SDK2: variants seen among roughly 807,000 people sequenced by gnomAD.
SDK2 encodes the protein sidekick cell adhesion molecule 2, also known as protein sidekick-2.
A neutral mutation model predicts 253.9 loss-of-function variants in SDK2; 105 were observed. That is an observed-to-expected ratio of 0.41 (90% CI 0.35 to 0.49). The LOEUF (loss-of-function observed/expected upper bound fraction) is 0.49. Ranked by LOEUF, SDK2 falls within the 20% of genes least tolerant of loss-of-function variation. SDK2 has a pLI of 0.06. For synonymous variants in SDK2, 1,249 were observed against 1,234.9 expected, an observed-to-expected ratio of 1.01 and a Z score of -0.24; for missense variants, 2,608 against 3,003.0, an observed-to-expected ratio of 0.87 and a Z score of 3.07.
At chr17:73,608,984 A>G (rs1213094428) in intron 1 of SDK2, among the ~76,000 whole-genome samples, 1 of 152,194 alleles carries the variant, frequency 6.6e-6, no homozygotes, top group African/African-American at 2.4e-5. Flanking sequence ...CGTTAATCAG[A>G]TTCTTCTATT....
In SDK2 at chr17:73,395,444, G is replaced by A. The variant is rs2062963738; in HGVS notation, c.3355-52C>T. On this transcript the variant is annotated intron_variant, in intron 24 of 44. Transcript: ENST00000392650. This position sits in a 1 kb window ranked among gnomAD's most constrained non-coding sequence, Gnocchi z 4.3. ...TGCTATGAGCCAGGCCCCCCACTGT[G>A]CAGGGAGGAACTGCCCTGCTACCCT... 3 of 1,494,424 alleles carry A rather than the reference G, an allele frequency of 2.0e-6. No homozygotes were observed. Among genetic ancestry groups the A allele is most frequent in the Admixed American group, 1.7e-5 (1 of 59,152 alleles). 92.6% of individuals were successfully genotyped at this position (1,494,424 alleles called of 1,614,324 possible).
At chr17:73,474,776 A>G (rs560950995) in intron 2 of SDK2, among the ~76,000 whole-genome samples, 2 of 152,296 alleles carry the variant, frequency 1.3e-5, no homozygotes, top group Non-Finnish European at 2.9e-5. Flanking sequence ...GGGTGACCCT[A>G]GAGGGGAGAT....
intron 29 of SDK2, among the ~76,000 whole-genome samples, chr17:73,389,835 C>T (rs532842901): frequency 6.6e-6 from 1 of 152,288 alleles, no homozygotes; most frequent in African/African-American, 2.4e-5. Flanking sequence ...CTGCAACCTC[C>T]GTCCCCCAGG....
At chr17:73,426,815 G>A (rs2063287578) in intron 12 of SDK2, among the ~76,000 whole-genome samples, 1 of 152,074 alleles carries the variant, frequency 6.6e-6, no homozygotes, top group Admixed American at 6.5e-5. Flanking sequence ...GGCCGGGCGC[G>A]GTGGCTCATG....
intron 6 of SDK2, among the ~76,000 whole-genome samples, chr17:73,439,707 G>A (rs764541935): frequency 2.6e-5 from 4 of 152,320 alleles, no homozygotes; most frequent in South Asian, 2.1e-4. Flanking sequence ...CTGGGTCAGC[G>A]CGCTGCCTAT....
rs78267561 is a variant in SDK2 at position 73,548,737 on chromosome 17, G to A, written c.65-41140C>T. Among the ~76,000 whole-genome samples the A allele has an allele frequency of 9.1e-3, 1,390 of 152,360 alleles. 10 individuals carry two copies. The highest frequency in any genetic ancestry group is 0.032 in the African/African-American group (1,316 of 41,582). On this transcript the variant is annotated intron_variant, in intron 1 of 44. Coordinates refer to ENST00000392650, the MANE Select transcript of SDK2 (RefSeq NM_001144952.2). ...GCCCAGTCCTTGCACACTGTCTGGG[G>A]GAAGTAGAGGGGGAGGAAATCAGGC... is the stretch of plus-strand genomic sequence containing the variant.
intron 2 of SDK2, among the ~76,000 whole-genome samples, chr17:73,499,257 C>A (rs1201642035): frequency 6.6e-6 from 1 of 152,228 alleles, no homozygotes; most frequent in African/African-American, 2.4e-5. Context: ...CCGCGTGCGT[C>A]CCCTGCTTTT....
At chr17:73,577,662 C>T (rs940358744) in intron 1 of SDK2, among the ~76,000 whole-genome samples, 3 of 152,124 alleles carry the variant, frequency 2.0e-5, no homozygotes, top group South Asian at 2.1e-4. Context: ...TCTACCTGGG[C>T]GTGAATCCTG....
intron 2 of SDK2, among the ~76,000 whole-genome samples, chr17:73,474,934 A>G (rs2063675701): frequency 1.3e-5 from 2 of 152,226 alleles, no homozygotes; most frequent in Non-Finnish European, 2.9e-5. Flanking sequence ...AGAAATTCAA[A>G]TCAAGACGAC....
At chr17:73,342,257 G>A (rs1163605911) in intron 44 of SDK2, among the ~76,000 whole-genome samples, 1 of 152,118 alleles carries the variant, frequency 6.6e-6, no homozygotes, top group East Asian at 1.9e-4. Context: ...CTCTTGGCAG[G>A]CACAGCCGGC....
intron 3 of SDK2, among the ~76,000 whole-genome samples, chr17:73,461,474 C>T (rs2063562126): frequency 6.6e-6 from 1 of 152,190 alleles, no homozygotes; most frequent in Admixed American, 6.5e-5. Flanking sequence ...TTAGGTGAGG[C>T]TTTTCTTAAG....
At chr17:73,466,228 T>G (rs1424287823) in intron 3 of SDK2, among the ~76,000 whole-genome samples, 1 of 152,112 alleles carries the variant, frequency 6.6e-6, no homozygotes, top group Non-Finnish European at 1.5e-5. Flanking sequence ...GTAGACAGAT[T>G]CAAGAAGGTT....
intron 18 of SDK2, among the ~76,000 whole-genome samples, chr17:73,411,985 CGT>C (rs1568389034): frequency 3.0e-3 from 37 of 12,410 alleles, no homozygotes; most frequent in South Asian, 9.2e-3. Context: ...TATATATCTA[CGT>C]ATATATATAC....
intron 5 of SDK2, among the ~76,000 whole-genome samples, chr17:73,444,716 C>T (rs1173655128): frequency 6.6e-6 from 1 of 152,236 alleles, no homozygotes. Flanking sequence ...GCCATAGGCA[C>T]CAGTTTACAG....
intron 18 of SDK2, among the ~76,000 whole-genome samples, chr17:73,406,835 G>T (rs1214123375): frequency 6.6e-6 from 1 of 152,230 alleles, no homozygotes; most frequent in African/African-American, 2.4e-5. Flanking sequence ...TAGCAATGCA[G>T]TGCGAAGTCC....
At chr17:73,406,106 G>T (rs969724294) in intron 18 of SDK2, among the ~76,000 whole-genome samples, 1 of 152,040 alleles carries the variant, frequency 6.6e-6, no homozygotes, top group East Asian at 1.9e-4. Flanking sequence ...TTGTTATACT[G>T]TATTGTTTGG....
chr17:73,455,426 C>T lies in SDK2; in HGVS notation c.479+480G>A, dbSNP rs543541451. On this transcript the variant is annotated intron_variant, in intron 4 of 44. Coordinates refer to ENST00000392650, the MANE Select transcript of SDK2 (RefSeq NM_001144952.2). The surrounding 1 kb of genome is among the most constrained non-coding windows in gnomAD (Gnocchi z 5.0). ...TGTGTGTTTCTCTGCCCAGGGCTTC[C>T]CTGGCCACACCTCCGCCGCACAGCC... Among the ~76,000 whole-genome samples, 179 of 152,188 alleles carry T rather than the reference C, an allele frequency of 1.2e-3. 1 individual carries two copies. Among genetic ancestry groups the T allele is most frequent in the Non-Finnish European group, 2.3e-3 (156 of 67,986 alleles).
At chr17:73,526,490 T>C (rs2064127002) in intron 1 of SDK2, among the ~76,000 whole-genome samples, 2 of 152,168 alleles carry the variant, frequency 1.3e-5, no homozygotes, top group African/African-American at 4.8e-5. Flanking sequence ...CAGCTTGGCT[T>C]CTGGGCTTTC....
intron 12 of SDK2, among the ~76,000 whole-genome samples, chr17:73,427,761 C>T (rs1223804673): frequency 6.6e-6 from 1 of 151,028 alleles, no homozygotes; most frequent in East Asian, 2.0e-4. Flanking sequence ...GAAGATAATA[C>T]AGGAGAACAT....
Sources: allele counts gnomAD v4.1 joint callset (sites outside exome capture counted in the v4.1 genomes callset), GRCh38; gene constraint gnomAD v4.1.1; non-coding constraint Gnocchi (gnomAD v3.1); transcripts MANE v1.5; gene names NCBI Gene and HGNC (gene_info 2026-07-23, HGNC 2026-07-21).